The following RPL18 variants were observed in gnomAD, a reference collection of about 807,000 sequenced individuals.
RPL18 encodes ribosomal protein L18.
Under a neutral mutation model 25.0 loss-of-function variants are expected in RPL18, and 4 were observed. The observed-to-expected ratio is 0.16, with a 90% confidence interval of 0.08 to 0.37. The LOEUF is 0.37. Ranked by LOEUF, RPL18 falls within the 10% of genes least tolerant of loss-of-function variation. RPL18 has a pLI of 1.00. For synonymous variants in RPL18, 129 were observed against 101.6 expected, an observed-to-expected ratio of 1.27 and a Z score of -1.62; for missense variants, 179 against 267.9, an observed-to-expected ratio of 0.67 and a Z score of 2.32.
At chr19:48,618,143 T>C in intron 1 of RPL18, 1 of 320,446 alleles carries the variant, frequency 3.1e-6, no homozygotes, top group Non-Finnish European at 5.9e-6. Flanking sequence ...GGTCAATTCT[T>C]TACAACTTGT....
rs58972118 is a variant in RPL18, at chr19:48,616,643, C to CCAGCA, written c.297+78_297+82dup. On this transcript the variant is annotated intron_variant, in intron 4 of 6. Transcript: ENST00000549920. ...CAGCGGTGGCAAGACTGAGGATGGA[C>CCAGCA]CAGCACAGCACAGCACAGCACAGCA... 63,897 of 929,414 alleles carry CCAGCA rather than the reference C, an allele frequency of 0.069. 3,984 individuals carry two copies. Among genetic ancestry groups the CCAGCA allele is most frequent in the East Asian group, 0.22 (8,561 of 39,628 alleles). 57.6% of individuals were successfully genotyped at this position (929,414 alleles called of 1,614,324 possible).
At chr19:48,617,450 G>T in intron 2 of RPL18, 27 bp from the exon 3 acceptor site, 1 of 1,540,494 alleles carries the variant, frequency 6.5e-7, no homozygotes, top group Non-Finnish European at 9.0e-7. Context: ...ACAGTGAGAA[G>T]CTGGGACAGC....
chr19:48,616,213 G>A lies in RPL18; in HGVS notation c.298-11C>T. Reference sequence around the variant, plus strand: ...GCGCAGTGCACATACCTGGTGGAGAGGACAAGGCTGGCGGGTCAGACCCCT... The same window carrying A: ...GCGCAGTGCACATACCTGGTGGAGAAGACAAGGCTGGCGGGTCAGACCCCT... On this transcript the variant is annotated splice_polypyrimidine_tract_variant and intron_variant, in intron 4 of 6. Coordinates refer to ENST00000549920, the MANE Select transcript of RPL18 (RefSeq NM_000979.4). 4 of 1,613,206 alleles carry A rather than the reference G, an allele frequency of 2.5e-6. No homozygotes were observed. Among genetic ancestry groups the A allele is most frequent in the Non-Finnish European group, 3.4e-6 (4 of 1,179,888 alleles).
In RPL18 at chr19:48,616,178, G is replaced by A. The variant is rs772717055; in HGVS notation, c.322C>T (p.Arg108Trp). ...GCCCTGAGGATGCGGCTGCGGGCCC[G>A]GCTGGTCACGCGCAGTGCACATACC... ...LKVCALRVTS[R>W]ARSRILRAGG... is the part of the protein sequence containing the mutation. The change falls in exon 5 of 7, where the codon CGG becomes TGG. Residue 108 changes from arginine to tryptophan, a missense_variant. Physicochemically the swap from Arg to Trp is moderately radical, Grantham distance 101. Transcript: ENST00000549920. The A allele has an allele frequency of 7.4e-6, 12 of 1,613,792 alleles. No individual in the cohort carries two copies. The highest frequency in any genetic ancestry group is 2.2e-5 in the South Asian group (2 of 91,076).
At chr19:48,616,593 C>G in intron 4 of RPL18, 133 bp downstream of exon 4, 1 of 779,350 alleles carries the variant, frequency 1.3e-6, no homozygotes, top group East Asian at 2.6e-5. Flanking sequence ...CAAAGCCACT[C>G]AGACAGGCAG....
At chr19:48,618,324 C>T (rs968071498) in intron 1 of RPL18, 3 of 156,964 alleles carry the variant, frequency 1.9e-5, no homozygotes, top group African/African-American at 7.2e-5. Flanking sequence ...CAAATAGTGT[C>T]TTTTTAAAAC....
intron 1 of RPL18, 146 bp from the exon 2 acceptor site, chr19:48,618,023 G>T: frequency 1.6e-6 from 1 of 617,286 alleles, no homozygotes; most frequent in Non-Finnish European, 2.9e-6. Context: ...AGACCTGTGG[G>T]CTGCCACTGA....
intron 1 of RPL18, chr19:48,618,831 A>G (rs974244909): frequency 5.5e-5 from 26 of 475,928 alleles, no homozygotes; most frequent in African/African-American, 5.2e-4. Context: ...AAGGCAGCAA[A>G]GCCAAATAAC....
chr19:48,617,863 G>C lies in RPL18; in HGVS notation c.18C>G (p.Arg6=), dbSNP rs746975919. ...GCCGAACCTTTCGGTCCTTGTTATGGCGGATGTCCACTCCCTGTGGGGGTG... is the reference window on the plus strand; with the variant it reads ...GCCGAACCTTTCGGTCCTTGTTATGCCGGATGTCCACTCCCTGTGGGGGTG... MGVDI[R]HNKDRKVRRK... Residue 6 remains arginine, a synonymous_variant, in exon 2 of 7, where the codon CGC becomes CGG. Transcript: ENST00000549920. 7 of 1,613,974 alleles carry C rather than the reference G, an allele frequency of 4.3e-6. No homozygotes were observed. Among genetic ancestry groups the C allele is most frequent in the Non-Finnish European group, 5.9e-6 (7 of 1,179,858 alleles).
rs374788995 is a variant in RPL18 at position 48,615,957 on chromosome 19, G to A, written c.422-11C>T. The A allele has an allele frequency of 8.7e-6, 14 of 1,614,070 alleles. No individual in the cohort carries two copies. Among genetic ancestry groups the A allele is most frequent in the Non-Finnish European group, 1.2e-5 (14 of 1,179,944 alleles). On this transcript the variant is annotated splice_polypyrimidine_tract_variant and intron_variant, in intron 5 of 6. Coordinates refer to ENST00000549920, the MANE Select transcript of RPL18 (RefSeq NM_000979.4). ...GGCCCTTGCGAGGACCTAGGGAAGG[G>A]GAAGGAGAACCGGGTGAGACAGGGA...
intron 2 of RPL18, 103 bp downstream of exon 2, chr19:48,617,688 C>T: frequency 1.1e-6 from 1 of 884,620 alleles, no homozygotes. Context: ...CCCGAGACTG[C>T]TCTGCAGGCC....
At chr19:48,615,620 C>T in intron 6 of RPL18, 173 bp from the exon 7 acceptor site, 1 of 665,132 alleles carries the variant, frequency 1.5e-6, no homozygotes, top group Non-Finnish European at 2.6e-6. Flanking sequence ...GCACCTGCCC[C>T]ACCACCTGGA....
At chr19:48,615,854 A>G in intron 6 of RPL18, 23 bp downstream of exon 6, 1 of 1,593,146 alleles carries the variant, frequency 6.3e-7, no homozygotes, top group Non-Finnish European at 8.6e-7. Flanking sequence ...GGGAGAGGGC[A>G]GGGCTGGGGG....
intron 1 of RPL18, 25 bp downstream of exon 1, chr19:48,619,116 C>T (rs772165008): frequency 1.3e-6 from 2 of 1,599,002 alleles, no homozygotes; most frequent in Non-Finnish European, 8.5e-7. Flanking sequence ...ATTATCCAGC[C>T]CCGAACGCCG....
chr19:48,617,192 C>T (rs749725868), intron 3 of RPL18, 124 bp downstream of exon 3: 16 of 831,232 alleles, frequency 1.9e-5, no homozygotes, highest in Admixed American at 1.2e-4. Context: ...TCTACGCTCG[C>T]GACTGGCTGA....
In RPL18 at chr19:48,617,841, G is replaced by A. The variant is rs201501207; in HGVS notation, c.40C>T (p.Arg14Trp). Residue 14 changes from arginine to tryptophan, a missense_variant, in exon 2 of 7, where the codon CGG becomes TGG. Physicochemically the swap from Arg to Trp is moderately radical, Grantham distance 101. Transcript: ENST00000549920. ...DIRHNKDRKVRRKEPKSQDIY... is the reference protein window; with the variant it reads ...DIRHNKDRKVWRKEPKSQDIY... ...TCCTGGCTCTTGGGCTCCTTGCGCCGAACCTTTCGGTCCTTGTTATGGCGG... is the reference window on the plus strand; with the variant it reads ...TCCTGGCTCTTGGGCTCCTTGCGCCAAACCTTTCGGTCCTTGTTATGGCGG... The A allele has an allele frequency of 1.9e-5, 31 of 1,614,116 alleles. No homozygotes were observed. Among genetic ancestry groups the A allele is most frequent in the Admixed American group, 5.0e-5 (3 of 60,018 alleles).
chr19:48,618,923 C>T (rs1055012680), intron 1 of RPL18: 7 of 578,592 alleles, frequency 1.2e-5, no homozygotes, highest in African/African-American at 9.4e-5. Context: ...GTCATATCAG[C>T]CTCCGAGTAC....
chr19:48,617,131 G>C, intron 3 of RPL18, 185 bp downstream of exon 3: 1 of 724,272 alleles, frequency 1.4e-6, no homozygotes, highest in Non-Finnish European at 2.5e-6. Context: ...AGGAGGACCA[G>C]GAGACTTGCC....
intron 1 of RPL18, chr19:48,618,424 A>T (rs1476849603): frequency 6.5e-6 from 1 of 154,818 alleles, no homozygotes; most frequent in Non-Finnish European, 1.4e-5. Flanking sequence ...TCGGCCTCCC[A>T]AAGTGCTAGG....
Sources: allele counts gnomAD v4.1 joint callset, GRCh38; gene constraint gnomAD v4.1.1; transcripts MANE v1.5; gene names NCBI Gene and HGNC (gene_info 2026-07-23, HGNC 2026-07-21).